ATF6B: variants seen among roughly 807,000 people sequenced by gnomAD.
The protein encoded by ATF6B is activating transcription factor 6 beta, also known as cyclic AMP-dependent transcription factor ATF-6 beta.
In ATF6B, 50 loss-of-function variants were observed where a neutral mutation model predicts 83.5. The ratio of observed to expected loss-of-function variants is 0.60; its 90% CI spans 0.48 to 0.76. The LOEUF (loss-of-function observed/expected upper bound fraction) is 0.76, where lower values mean the gene tolerates loss of function less well. Ranked by LOEUF, ATF6B falls within the 30% of genes least tolerant of loss-of-function variation. The pLI, the probability that ATF6B is intolerant of heterozygous loss-of-function variation, is 0.00. For synonymous variants in ATF6B, 344 were observed against 362.8 expected (o/e 0.95, Z 0.59); for missense variants, 790 against 893.8 (o/e 0.88, Z 1.48).
At position 32,128,243 on chromosome 6, in the gene ATF6B, C is replaced by T. The variant is rs1561773777; in HGVS notation, c.-36G>A. 2.5e-6 allele frequency: 4 copies of T among 1,593,480 alleles called. No homozygotes were observed. Among genetic ancestry groups the T allele is most frequent in the South Asian group, 1.1e-5 (1 of 90,320 alleles). The stretch of plus-strand genomic sequence containing the variant: ...CACCCCCCAACCAGGAGACGGTTCC[C>T]AAGGCCCGCCTCTCCCCATCACCAA... On this transcript the variant is annotated 5_prime_UTR_variant, in exon 1 of 18. Coordinates refer to ENST00000375203, the MANE Select transcript of ATF6B (RefSeq NM_004381.5).
chr6:32,123,421 T>TA (rs1220441847), intron 5 of ATF6B, among the ~76,000 whole-genome samples: 1 of 151,978 alleles, frequency 6.6e-6, no homozygotes, highest in Non-Finnish European at 1.5e-5. Context: ...CAACAATCCT[T>TA]ACAATCCTTT....
At position 32,127,195 on chromosome 6, in the gene ATF6B, C is replaced by G; in HGVS notation, c.251-1G>C. 6.2e-7 allele frequency: 1 copy of G among 1,606,994 alleles called. No individual in the cohort carries two copies. The highest frequency in any genetic ancestry group is 8.5e-7 in the Non-Finnish European group (1 of 1,176,936). On this transcript the variant is annotated splice_acceptor_variant, in intron 3 of 17. Coordinates refer to ENST00000375203, the MANE Select transcript of ATF6B (RefSeq NM_004381.5). LOFTEE classifies it high-confidence loss of function. ...GATGGCTCAGACTTCACCTGAAGATCTGGAGGAAAGGGAGTTAGAAATTAT... is the reference window on the plus strand; with the variant it reads ...GATGGCTCAGACTTCACCTGAAGATGTGGAGGAAAGGGAGTTAGAAATTAT...
intron 8 of ATF6B, 71 bp from the exon 9 acceptor site, chr6:32,120,028 G>A: frequency 1.3e-6 from 2 of 1,533,626 alleles, no homozygotes; most frequent in South Asian, 2.5e-5. Flanking sequence ...CCACACAAGA[G>A]CACCCAAGGA....
In ATF6B at chr6:32,126,114, T is replaced by A. The variant is rs773875252; in HGVS notation, c.478+3A>T. On this transcript the variant is annotated splice_donor_region_variant and intron_variant, in intron 5 of 17. Coordinates refer to ENST00000375203, the MANE Select transcript of ATF6B (RefSeq NM_004381.5). ...AAGGATTGGGGGCAGGCTGTTTTAT[T>A]ACCTGAGGAATCATCAGAGGTGGGG... 4.3e-6 allele frequency: 7 copies of A among 1,613,966 alleles called. No homozygotes were observed. Among genetic ancestry groups the A allele is most frequent in the Non-Finnish European group, 5.9e-6 (7 of 1,180,008 alleles).
chr6:32,119,983 G>A lies in ATF6B; in HGVS notation c.833-26C>T. On this transcript the variant is annotated intron_variant, in intron 8 of 17. Transcript: ENST00000375203. The surrounding 1 kb of genome is among the most constrained non-coding windows in gnomAD (Gnocchi z 4.9). ...CTGGGGCAAGTGAGCAGAGGTCAGAGGGCTGTGCGCTGGGTGGGGTCCTTG... is the reference window on the plus strand; with the variant it reads ...CTGGGGCAAGTGAGCAGAGGTCAGAAGGCTGTGCGCTGGGTGGGGTCCTTG... The A allele has an allele frequency of 6.2e-7, 1 of 1,608,966 alleles. No homozygotes were observed. Among genetic ancestry groups the A allele is most frequent in the Non-Finnish European group, 8.5e-7 (1 of 1,177,064 alleles).
chr6:32,127,385 AAC>A (rs2127349191), intron 3 of ATF6B, 55 bp downstream of exon 3: 1 of 1,555,694 alleles, frequency 6.4e-7, no homozygotes, highest in South Asian at 1.2e-5. Flanking sequence ...GTTTCTGGGA[AAC>A]AGTGGGAAGA....
At position 32,116,805 on chromosome 6, in the gene ATF6B, C is replaced by T; in HGVS notation, c.1696G>A (p.Gly566Ser). The T allele has an allele frequency of 6.2e-7, 1 of 1,614,000 alleles. No homozygotes were observed. The highest frequency in any genetic ancestry group is 8.5e-7 in the Non-Finnish European group (1 of 1,179,978). Reference sequence around the variant, plus strand: ...GGGTGGCGATATAGTTGCAGCTGGCCCACAGAATCCCTAGGCAGGTGGGGA... The same window carrying T: ...GGGTGGCGATATAGTTGCAGCTGGCTCACAGAATCCCTAGGCAGGTGGGGA... ...PPGPPERDSV[G>S]QLQLYRHPDR... Residue 566 changes from glycine (G) to serine (S), a missense_variant, in exon 16 of 18, where the codon GGC becomes AGC. By Grantham distance (56) the Gly-to-Ser change is moderately conservative. Transcript: ENST00000375203. This position sits in a 1 kb window ranked among gnomAD's most constrained non-coding sequence, Gnocchi z 5.1.
intron 4 of ATF6B, 144 bp downstream of exon 4, chr6:32,126,959 G>A (rs757652679): frequency 9.2e-6 from 5 of 541,384 alleles, no homozygotes; most frequent in Non-Finnish European, 1.2e-5. Flanking sequence ...AAACGGCAAA[G>A]GTAGTGGAGA....
At position 32,115,669 on chromosome 6, in the gene ATF6B, A is replaced by G; in HGVS notation, c.*70T>C. 12 of 1,373,232 alleles carry G rather than the reference A, an allele frequency of 8.7e-6. No homozygotes were observed. The highest frequency in any genetic ancestry group is 1.2e-5 in the Non-Finnish European group (12 of 1,003,624). The allele number at this position is 1,373,232 out of a possible 1,614,324, so 85.1% of individuals were successfully genotyped here. On this transcript the variant is annotated 3_prime_UTR_variant, in exon 18 of 18. Coordinates refer to ENST00000375203, the MANE Select transcript of ATF6B (RefSeq NM_004381.5). ...TGCCCCAAGCCTGGGGATCAGGGAA[A>G]TTTGAAACAGTCCCACCTGGCCACC...
chr6:32,119,286 T>TC lies in ATF6B; in HGVS notation c.967-146dup, dbSNP rs1238102293. On this transcript the variant is annotated intron_variant, in intron 9 of 17. Transcript: ENST00000375203. This position sits in a 1 kb window ranked among gnomAD's most constrained non-coding sequence, Gnocchi z 4.9. ...CCACCTACATAGCCAGAGAGGTTTT[T>TC]CCTCTCTACTCAAACACGCTAGGGA... 1 of 930,854 alleles carries TC rather than the reference T, an allele frequency of 1.1e-6. No homozygotes were observed. Among genetic ancestry groups the TC allele is most frequent in the Non-Finnish European group, 1.6e-6 (1 of 641,924 alleles). The allele number at this position is 930,854 out of a possible 1,614,324, so 57.7% of individuals were successfully genotyped here.
Position 32,117,665 on chromosome 6 carries a change from T to A in ATF6B, c.1454A>T (p.Lys485Met). ...SNLTAFPGGA[K>M]ELLLRDLDQL... is the part of the protein sequence containing the mutation. ...GTCTAGGTCTCTTAGTAGTAGCTCC[T>A]TGGCGCCCCCAGGGAAGGCTGTCAG... The change falls in exon 13 of 18, where the codon AAG (lysine) becomes ATG (methionine). Residue 485 changes from lysine (K) to methionine (M), a missense_variant. Around this residue, in one of 3 missense-constraint regions of ATF6B, gnomAD observed 530 missense variants for 632.6 expected, o/e 0.84. Coordinates refer to ENST00000375203, the MANE Select transcript of ATF6B (RefSeq NM_004381.5). The surrounding 1 kb of genome is among the most constrained non-coding windows in gnomAD (Gnocchi z 5.0). The A allele has an allele frequency of 6.2e-7, 1 of 1,614,170 alleles. No individual in the cohort carries two copies. The highest frequency in any genetic ancestry group is 2.2e-5 in the East Asian group (1 of 44,886).
rs754238326 is a variant in ATF6B at position 32,125,555 on chromosome 6, T to C, written c.478+562A>G. 1.3e-5 allele frequency among the ~76,000 whole-genome samples: 2 copies of C among 151,062 alleles called. No homozygotes were observed. The highest frequency in any genetic ancestry group is 3.0e-5 in the Non-Finnish European group (2 of 67,764). Reference sequence around the variant, plus strand: ...GGTAGGCGACTCATGAGGTCAGGAGTTCAAGACCAGCCTGGCCAACATGGT... The same window carrying C: ...GGTAGGCGACTCATGAGGTCAGGAGCTCAAGACCAGCCTGGCCAACATGGT... On this transcript the variant is annotated intron_variant, in intron 5 of 17. Coordinates refer to ENST00000375203, the MANE Select transcript of ATF6B (RefSeq NM_004381.5). This position sits in a 1 kb window ranked among gnomAD's most constrained non-coding sequence, Gnocchi z 4.1.
Position 32,117,052 on chromosome 6 carries a change from G to A in ATF6B, c.1670C>T (p.Pro557Leu). The change falls in exon 15 of 18, where the codon CCT becomes CTT. Residue 557 changes from proline to leucine, a missense_variant. Physicochemically the swap from Pro to Leu is moderately conservative, Grantham distance 98. This residue lies in a region of ATF6B where 530 missense variants were observed against 632.6 expected (regional missense o/e 0.84). Transcript: ENST00000375203. The surrounding 1 kb of genome is among the most constrained non-coding windows in gnomAD (Gnocchi z 5.0). ...CCACACTCACCTTTCTGGGGGTCCAGGGGGTTGGATGGGGACTGCCTTAAC... is the reference window on the plus strand; with the variant it reads ...CCACACTCACCTTTCTGGGGGTCCAAGGGGTTGGATGGGGACTGCCTTAAC... ...PPVKAVPIQP[P>L]GPPERDSVGQ... 2 of 1,614,062 alleles carry A rather than the reference G, an allele frequency of 1.2e-6. No homozygotes were observed. The highest frequency in any genetic ancestry group is 1.7e-6 in the Non-Finnish European group (2 of 1,179,940).
In ATF6B at chr6:32,125,621, C is replaced by T. The variant is rs575547865; in HGVS notation, c.478+496G>A. Among the ~76,000 whole-genome samples, 3 of 152,080 alleles carry T rather than the reference C, an allele frequency of 2.0e-5. No individual in the cohort carries two copies. The highest frequency in any genetic ancestry group is 2.1e-4 in the South Asian group (1 of 4,812). ...CTAAAAATACAAAAAATTAGCTGGG[C>T]GTGGTGGTGGGTGCCTGTAATCCCA... On this transcript the variant is annotated intron_variant, in intron 5 of 17. Transcript: ENST00000375203. The surrounding 1 kb of genome is among the most constrained non-coding windows in gnomAD (Gnocchi z 4.1).
In ATF6B at chr6:32,119,295, C is replaced by T. The variant is rs1781660098; in HGVS notation, c.967-154G>A. ...TAGCCAGAGAGGTTTTTCCTCTCTA[C>T]TCAAACACGCTAGGGAAGGGGCCCT... is the stretch of plus-strand genomic sequence containing the variant. On this transcript the variant is annotated intron_variant, in intron 9 of 17. Transcript: ENST00000375203. This position sits in a 1 kb window ranked among gnomAD's most constrained non-coding sequence, Gnocchi z 4.9. Among the ~76,000 whole-genome samples, 1 of 152,176 alleles carries T rather than the reference C, an allele frequency of 6.6e-6. No homozygotes were observed. Among genetic ancestry groups the T allele is most frequent in the African/African-American group, 2.4e-5 (1 of 41,438 alleles).
Position 32,119,189 on chromosome 6 carries a change from G to A in ATF6B, c.967-48C>T. On this transcript the variant is annotated intron_variant, in intron 9 of 17. Coordinates refer to ENST00000375203, the MANE Select transcript of ATF6B (RefSeq NM_004381.5). The surrounding 1 kb of genome is among the most constrained non-coding windows in gnomAD (Gnocchi z 4.9). ...AAGAATGACAGATGAGTTGGCAGAA[G>A]GAGACTATGCTCTCAAACCCCAAGG... 1.3e-6 allele frequency: 2 copies of A among 1,559,194 alleles called. No homozygotes were observed. The highest frequency in any genetic ancestry group is 1.7e-6 in the Non-Finnish European group (2 of 1,156,224).
chr6:32,123,403 A>G (rs1412703070), intron 5 of ATF6B, among the ~76,000 whole-genome samples: 1 of 152,124 alleles, frequency 6.6e-6, no homozygotes, highest in Non-Finnish European at 1.5e-5. Context: ...TATGCAATGC[A>G]AAGCCACCAA....
At chr6:32,124,774 C>T (rs1432698458) in intron 5 of ATF6B, among the ~76,000 whole-genome samples, 2 of 152,198 alleles carry the variant, frequency 1.3e-5, no homozygotes, top group Non-Finnish European at 2.9e-5. Context: ...ACCCTTCTTC[C>T]AGGGGCACAT....
chr6:32,118,941 A>T lies in ATF6B; in HGVS notation c.1152+15T>A. The T allele has an allele frequency of 6.2e-7, 1 of 1,614,060 alleles. No individual in the cohort carries two copies. Among genetic ancestry groups the T allele is most frequent in the Non-Finnish European group, 8.5e-7 (1 of 1,179,930 alleles). On this transcript the variant is annotated intron_variant, in intron 10 of 17. Coordinates refer to ENST00000375203, the MANE Select transcript of ATF6B (RefSeq NM_004381.5). This position sits in a 1 kb window ranked among gnomAD's most constrained non-coding sequence, Gnocchi z 5.2. ...CTGTATTCCTGTTGGTCTCCCAGGGACAGACTGGTCTTACTTCAGCCAGCA... is the reference window on the plus strand; with the variant it reads ...CTGTATTCCTGTTGGTCTCCCAGGGTCAGACTGGTCTTACTTCAGCCAGCA...
Sources: allele counts gnomAD v4.1 joint callset (sites outside exome capture counted in the v4.1 genomes callset), GRCh38; gene constraint gnomAD v4.1.1; regional missense constraint gnomAD v4.1.1; non-coding constraint Gnocchi (gnomAD v3.1); transcripts MANE v1.5; gene names NCBI Gene and HGNC (gene_info 2026-07-23, HGNC 2026-07-21).